The following DRC9 variants were observed in gnomAD, a reference collection of about 807,000 sequenced individuals.
DRC9 encodes dynein regulatory complex protein 9.
chr3:197,938,679 G>A, the DRC9 span: 1 of 1,613,872 alleles, frequency 6.2e-7, no homozygotes, highest in Admixed American at 1.7e-5. Context: ...CTGGCAAGTT[G>A]GGTCCTTCCT....
the DRC9 span, chr3:197,938,474 C>A: frequency 1.9e-6 from 2 of 1,051,134 alleles, no homozygotes; most frequent in South Asian, 2.6e-5. Context: ...CGATAGCAGT[C>A]AGCCACCTGG....
chr3:197,930,138 T>A, the DRC9 span, among the ~76,000 whole-genome samples: 1 of 151,914 alleles, frequency 6.6e-6, no homozygotes, highest in Non-Finnish European at 1.5e-5. Context: ...GCAGATCACT[T>A]GAGCTCAGGA....
At chr3:197,953,819 A>G in the DRC9 span, 1 of 654,248 alleles carries the variant, frequency 1.5e-6, no homozygotes, top group African/African-American at 1.8e-5. Context: ...TATTTTACAG[A>G]AGGGCCTGGC....
chr3:197,905,194 A>T, the DRC9 span, among the ~76,000 whole-genome samples: 3 of 152,296 alleles, frequency 2.0e-5, no homozygotes, highest in African/African-American at 7.2e-5. Flanking sequence ...CATAGTCAAT[A>T]ATTTAATTGT....
the DRC9 span, among the ~76,000 whole-genome samples, chr3:197,939,762 A>G: frequency 6.6e-6 from 1 of 151,670 alleles, no homozygotes; most frequent in Non-Finnish European, 1.5e-5. Flanking sequence ...TTTTTGAGAC[A>G]GGGTCTTGCT....
At chr3:197,900,050 G>A in the DRC9 span, among the ~76,000 whole-genome samples, 1 of 152,298 alleles carries the variant, frequency 6.6e-6, no homozygotes, top group Non-Finnish European at 1.5e-5. This position sits in a 1 kb window ranked among gnomAD's most constrained non-coding sequence, Gnocchi z 4.7. Flanking sequence ...CTCGGGTGAC[G>A]CCCACCCATG....
At chr3:197,917,291 TG>T in the DRC9 span, among the ~76,000 whole-genome samples, 11 of 152,216 alleles carry the variant, frequency 7.2e-5, no homozygotes, top group Non-Finnish European at 1.0e-4. Context: ...CACTTTAGCC[TG>T]GGCAACAGAG....
At chr3:197,913,870 C>G in the DRC9 span, 1 of 1,613,954 alleles carries the variant, frequency 6.2e-7, no homozygotes, top group Non-Finnish European at 8.5e-7. Flanking sequence ...GGCTAATGTC[C>G]CAGGGATTAC....
At chr3:197,952,389 T>C in the DRC9 span, among the ~76,000 whole-genome samples, 4 of 151,980 alleles carry the variant, frequency 2.6e-5, no homozygotes, top group Admixed American at 2.6e-4. Flanking sequence ...AGGCTGGTCT[T>C]AAACTCCTGA....
chr3:197,950,100 T>C, the DRC9 span: 4 of 1,228,780 alleles, frequency 3.3e-6, no homozygotes, highest in Admixed American at 4.2e-5. Context: ...TTTCCGAGGA[T>C]TGTTTTTCTG....
the DRC9 span, among the ~76,000 whole-genome samples, chr3:197,898,852 C>A: frequency 6.6e-6 from 1 of 152,072 alleles, no homozygotes; most frequent in Non-Finnish European, 1.5e-5. Flanking sequence ...CAGAACCAAA[C>A]CATATCAGAT....
At chr3:197,911,876 G>A in the DRC9 span, among the ~76,000 whole-genome samples, 1 of 152,064 alleles carries the variant, frequency 6.6e-6, no homozygotes, top group African/African-American at 2.4e-5. Flanking sequence ...CTGACCTCAG[G>A]TGATCCGCTG....
At chr3:197,908,514 G>C in the DRC9 span, among the ~76,000 whole-genome samples, 98 of 144,394 alleles carry the variant, frequency 6.8e-4, no homozygotes, top group Non-Finnish European at 1.1e-3. Flanking sequence ...CGTCTGAAGA[G>C]TGACCCCTTT....
At chr3:197,904,598 C>T in the DRC9 span, among the ~76,000 whole-genome samples, 8 of 152,292 alleles carry the variant, frequency 5.3e-5, no homozygotes, top group East Asian at 1.4e-3. Flanking sequence ...GGCGTGGTGG[C>T]TCATGCCTGT....
chr3:197,898,896 C>G, the DRC9 span, among the ~76,000 whole-genome samples: 3 of 152,100 alleles, frequency 2.0e-5, no homozygotes, highest in Non-Finnish European at 4.4e-5. Flanking sequence ...AATGGTCAAA[C>G]CTTCAACAAG....
chr3:197,946,224 A>T, the DRC9 span, among the ~76,000 whole-genome samples: 1 of 152,024 alleles, frequency 6.6e-6, no homozygotes, highest in Non-Finnish European at 1.5e-5. Flanking sequence ...TCACAAGGTC[A>T]GGAGATCGAG....
the DRC9 span, among the ~76,000 whole-genome samples, chr3:197,938,317 C>CAA: frequency 8.8e-4 from 101 of 114,360 alleles, 1 homozygote; most frequent in African/African-American, 8.2e-4. Flanking sequence ...AACTCCATCT[C>CAA]AAAAAAAAAA....
the DRC9 span, among the ~76,000 whole-genome samples, chr3:197,898,663 A>C: frequency 6.6e-6 from 1 of 152,238 alleles, no homozygotes; most frequent in African/African-American, 2.4e-5. Context: ...GGCAGGAGAG[A>C]GAACGAGTGC....
chr3:197,896,314 G>A, the DRC9 span, among the ~76,000 whole-genome samples: 1 of 151,836 alleles, frequency 6.6e-6, no homozygotes, highest in Non-Finnish European at 1.5e-5. Flanking sequence ...TTGCACTCCA[G>A]CCTGGGCAAC....
Sources: allele counts gnomAD v4.1 joint callset (sites outside exome capture counted in the v4.1 genomes callset), GRCh38; gene constraint gnomAD v4.1.1; non-coding constraint Gnocchi (gnomAD v3.1); transcripts MANE v1.5; gene names NCBI Gene and HGNC (gene_info 2026-07-23, HGNC 2026-07-21).